Variants in ASTN2 observed in about 807,000 individuals in gnomAD.
ASTN2 encodes astrotactin 2.
In ASTN2, 54 loss-of-function variants were observed where a neutral mutation model predicts 139.8. The ratio of observed to expected loss-of-function variants is 0.39; its 90% CI spans 0.31 to 0.48. The LOEUF is 0.48. ASTN2 is among the 20% of genes least tolerant of loss of function. ASTN2 has a pLI of 0.95. For synonymous variants in ASTN2, 756 were observed against 719.5 expected (o/e 1.05, Z -0.81); for missense variants, 1,565 against 1,725.1 (o/e 0.91, Z 1.64).
In ASTN2 at chr9:117,377,130, T is replaced by G. The variant is rs945526721; in HGVS notation, c.442+37367A>C. Among the ~76,000 whole-genome samples, 3 of 152,086 alleles carry G rather than the reference T, an allele frequency of 2.0e-5. No homozygotes were observed. The South Asian group carries it at 6.2e-4, about 32-fold the overall frequency. On this transcript the variant is annotated intron_variant, in intron 1 of 22. Transcript: ENST00000313400. The stretch of plus-strand genomic sequence containing the variant: ...CCTCTGCTAGGAATGGATGAGGGAG[T>G]TGGAGAGGTCTTTTGAACTCCTCGG...
intron 19 of ASTN2, among the ~76,000 whole-genome samples, chr9:116,616,191 T>C (rs1243537839): frequency 1.3e-5 from 2 of 152,230 alleles, no homozygotes. Flanking sequence ...TTTCTAACAG[T>C]GGAGGCATGT....
At chr9:117,374,636 G>A (rs1158426795) in intron 1 of ASTN2, among the ~76,000 whole-genome samples, 2 of 152,156 alleles carry the variant, frequency 1.3e-5, no homozygotes, top group Non-Finnish European at 2.9e-5. Flanking sequence ...GTCTGGTAGA[G>A]CTCAAAGCCC....
At chr9:116,502,225 TAGAGACACAC>T (rs1849885509) in intron 19 of ASTN2, among the ~76,000 whole-genome samples, 1 of 148,068 alleles carries the variant, frequency 6.8e-6, no homozygotes, top group East Asian at 2.0e-4. Context: ...CAGAGAGACA[TAGAGACACAC>T]AGAGAGAGAC....
intron 2 of ASTN2, among the ~76,000 whole-genome samples, chr9:117,226,426 A>T (rs1463261669): frequency 6.6e-6 from 1 of 152,234 alleles, no homozygotes; most frequent in African/African-American, 2.4e-5. Context: ...AAGGAATCCA[A>T]CAGTGTCTAG....
At chr9:117,022,456 A>AC (rs1554770321) in intron 6 of ASTN2, among the ~76,000 whole-genome samples, 1,645 of 107,144 alleles carry the variant, frequency 0.015, 34 homozygotes, top group African/African-American at 0.04. Flanking sequence ...AAAAAAAAAC[A>AC]AAAAAACAAA....
chr9:116,653,812 C>T (rs976154156), intron 16 of ASTN2, among the ~76,000 whole-genome samples: 1 of 152,232 alleles, frequency 6.6e-6, no homozygotes, highest in Non-Finnish European at 1.5e-5. Flanking sequence ...AATCTGGCCT[C>T]CACCTTTTCT....
At position 117,222,286 on chromosome 9, in the gene ASTN2, C is replaced by G. The variant is rs546443260; in HGVS notation, c.631-7544G>C. Reference sequence around the variant, plus strand: ...TCTCGAACGTATGCTTTTGAAATGCCCTTCTTCAAATGTGTGCTTTGGCCG... The same window carrying G: ...TCTCGAACGTATGCTTTTGAAATGCGCTTCTTCAAATGTGTGCTTTGGCCG... On this transcript the variant is annotated intron_variant, in intron 2 of 22. Transcript: ENST00000313400. Among the ~76,000 whole-genome samples the G allele has an allele frequency of 4.5e-4, 69 of 152,196 alleles. 2 individuals carry two copies. The highest frequency in any genetic ancestry group is 1.6e-3 in the African/African-American group (68 of 41,526).
At chr9:116,448,690 G>C (rs1848081592) in intron 20 of ASTN2, among the ~76,000 whole-genome samples, 2 of 152,290 alleles carry the variant, frequency 1.3e-5, no homozygotes, top group South Asian at 4.1e-4. Flanking sequence ...TTCCTTATCT[G>C]TAAAATGGGG....
At chr9:117,282,180 CTTT>C (rs1218924506) in intron 2 of ASTN2, among the ~76,000 whole-genome samples, 1 of 152,192 alleles carries the variant, frequency 6.6e-6, no homozygotes, top group East Asian at 1.9e-4. Flanking sequence ...TCAGTTTCTT[CTTT>C]ATTTCTCTCC....
chr9:117,264,928 T>C, intron 2 of ASTN2, among the ~76,000 whole-genome samples: 1 of 152,200 alleles, frequency 6.6e-6, no homozygotes, highest in East Asian at 1.9e-4. Flanking sequence ...GGAAGGACCT[T>C]GGCAACATCT....
At chr9:116,857,560 A>C (rs1036900456) in intron 11 of ASTN2, among the ~76,000 whole-genome samples, 1 of 152,192 alleles carries the variant, frequency 6.6e-6, no homozygotes, top group Non-Finnish European at 1.5e-5. Context: ...AGCTGATGCT[A>C]TGGGGCCATT....
intron 19 of ASTN2, among the ~76,000 whole-genome samples, chr9:116,597,699 G>A (rs931579909): frequency 6.6e-6 from 1 of 152,026 alleles, no homozygotes; most frequent in African/African-American, 2.4e-5. Flanking sequence ...TGTATAATGT[G>A]AGTGAGAGGT....
intron 1 of ASTN2, among the ~76,000 whole-genome samples, chr9:117,379,265 G>A (rs1040579511): frequency 1.1e-4 from 16 of 152,252 alleles, no homozygotes; most frequent in East Asian, 1.9e-4. Flanking sequence ...GTCTAGAGCC[G>A]GGCGTAGGCA....
chr9:117,150,647 T>C (rs1024943339), intron 3 of ASTN2, among the ~76,000 whole-genome samples: 1 of 152,072 alleles, frequency 6.6e-6, no homozygotes. Context: ...AATAAGCTGG[T>C]TTAGGATTAA....
chr9:117,347,829 G>C (rs1172244084), intron 1 of ASTN2, among the ~76,000 whole-genome samples: 3 of 152,160 alleles, frequency 2.0e-5, no homozygotes, highest in Non-Finnish European at 4.4e-5. Flanking sequence ...CCCAGCACTG[G>C]ATGACAAGGG....
At chr9:117,381,632 C>T (rs1029778049) in intron 1 of ASTN2, among the ~76,000 whole-genome samples, 4 of 152,146 alleles carry the variant, frequency 2.6e-5, no homozygotes, top group Admixed American at 2.6e-4. Flanking sequence ...GAGACCTCCC[C>T]AGAAGCAGAT....
intron 19 of ASTN2, among the ~76,000 whole-genome samples, chr9:116,509,414 G>A (rs1850264887): frequency 6.6e-6 from 1 of 152,144 alleles, no homozygotes; most frequent in Admixed American, 6.5e-5. Context: ...ATCATTGATG[G>A]ACATTTGGGT....
intron 2 of ASTN2, among the ~76,000 whole-genome samples, chr9:117,246,000 AG>A (rs1171968087): frequency 3.3e-5 from 5 of 152,186 alleles, no homozygotes; most frequent in African/African-American, 9.6e-5. Context: ...ATGATGACAA[AG>A]ACCACGTCTA....
intron 17 of ASTN2, among the ~76,000 whole-genome samples, chr9:116,621,076 C>T (rs1361542332): frequency 6.6e-6 from 1 of 152,186 alleles, no homozygotes; most frequent in Non-Finnish European, 1.5e-5. Flanking sequence ...CTCATGCACC[C>T]ACATCATTTC....
Sources: allele counts gnomAD v4.1 joint callset (sites outside exome capture counted in the v4.1 genomes callset), GRCh38; gene constraint gnomAD v4.1.1; transcripts MANE v1.5; gene names NCBI Gene and HGNC (gene_info 2026-07-23, HGNC 2026-07-21).